Variants in SLC25A30 observed in about 807,000 individuals in gnomAD.
SLC25A30 encodes kidney mitochondrial carrier protein 1.
Under a neutral mutation model 42.7 loss-of-function variants are expected in SLC25A30, and 29 were observed. The observed-to-expected ratio is 0.68, with a 90% CI of 0.51 to 0.93. The LOEUF (loss-of-function observed/expected upper bound fraction) is 0.93, where lower values mean the gene tolerates loss of function less well. Among genes scored for constraint, SLC25A30 ranks in the 40% least tolerant of loss-of-function variants. The probability of loss-of-function intolerance (pLI) is 0.00; values close to 1 mark genes in which losing one functional copy is unlikely to be tolerated. For missense variants in SLC25A30, 300 were observed against 359.7 expected (o/e 0.83, Z 1.34); for synonymous variants, 124 against 131.0 (o/e 0.95, Z 0.37).
chr13:45,422,771 G>A (rs1593640205), upstream of SLC25A30, among the ~76,000 whole-genome samples: 3 of 152,214 alleles, frequency 2.0e-5, no homozygotes, highest in South Asian at 6.2e-4. Context: ...TCACTGAATG[G>A]CTGTATAAAA....
chr13:45,408,824 A>T, intron 3 of SLC25A30, 103 bp downstream of exon 3: 1 of 1,043,352 alleles, frequency 9.6e-7, no homozygotes, highest in Non-Finnish European at 1.3e-6. Context: ...CTTTTCAAAC[A>T]CACCTCAAAC....
the SLC25A30 span, among the ~76,000 whole-genome samples, chr13:45,424,565 GTATAAA>G: frequency 7.4e-5 from 1 of 13,428 alleles, no homozygotes; most frequent in Non-Finnish European, 1.3e-4. Flanking sequence ...ATATATAAAT[GTATAAA>G]TATATAAATA....
At chr13:45,402,478 T>A in intron 5 of SLC25A30, 108 bp from the exon 6 acceptor site, 3 of 887,752 alleles carry the variant, frequency 3.4e-6, no homozygotes, top group Admixed American at 2.1e-5. Context: ...TTAATAACCA[T>A]TAGCAAGGAA....
At chr13:45,402,475 C>A (rs1016352379) in intron 5 of SLC25A30, 105 bp from the exon 6 acceptor site, 3 of 914,808 alleles carry the variant, frequency 3.3e-6, no homozygotes, top group African/African-American at 3.3e-5. Context: ...TGCTTAATAA[C>A]CATTAGCAAG....
intron 1 of SLC25A30, among the ~76,000 whole-genome samples, chr13:45,412,251 C>G (rs1883098005): frequency 6.6e-6 from 1 of 152,036 alleles, no homozygotes. Context: ...TCCCAACTAC[C>G]TGGGACCACA....
Position 45,401,169 on chromosome 13 carries a change from A to G in SLC25A30, c.528T>C (p.Val176=). 1.2e-6 allele frequency: 2 copies of G among 1,614,160 alleles called. No homozygotes were observed. The highest frequency in any genetic ancestry group is 1.1e-5 in the South Asian group (1 of 91,084). The part of the protein sequence containing the change: ...SLTAQRAAIV[V]GVELPVYDIT... ...TGTCATAGACCGGCAGCTCCACACC[A>G]ACAACAATAGCAGCCCTCTGCGCAG... The change falls in exon 7 of 10, where the codon GTT becomes GTC. Residue 176 remains valine, a synonymous_variant. Transcript: ENST00000519676.
Position 45,393,960 on chromosome 13 carries a change from A to C in SLC25A30, c.*2014T>G. 2.0e-6 allele frequency: 2 copies of C among 984,834 alleles called. No individual in the cohort carries two copies. The highest frequency in any genetic ancestry group is 2.4e-6 in the Non-Finnish European group (2 of 829,364). The allele number at this position is 984,834 out of a possible 1,614,324, so 61.0% of individuals were successfully genotyped here. On this transcript the variant is annotated 3_prime_UTR_variant, in exon 10 of 10. Coordinates refer to ENST00000519676, the MANE Select transcript of SLC25A30 (RefSeq NM_001010875.4). ...TTGCTTCTACTGTTTTAAAAATTGTATGCATATTTGAAAAAGTAAAATTTT... is the reference window on the plus strand; with the variant it reads ...TTGCTTCTACTGTTTTAAAAATTGTCTGCATATTTGAAAAAGTAAAATTTT...
chr13:45,402,549 T>G (rs570848477), intron 5 of SLC25A30, among the ~76,000 whole-genome samples, 179 bp from the exon 6 acceptor site: 1 of 152,236 alleles, frequency 6.6e-6, no homozygotes, highest in Admixed American at 6.5e-5. Flanking sequence ...GTATAAAAAT[T>G]TATTCTTAGG....
chr13:45,400,790 C>T (rs1003859223), intron 7 of SLC25A30, among the ~76,000 whole-genome samples: 1 of 152,116 alleles, frequency 6.6e-6, no homozygotes, highest in Non-Finnish European at 1.5e-5. Flanking sequence ...AACTACTGTG[C>T]CCAGCCTGTT....
the SLC25A30 span, among the ~76,000 whole-genome samples, chr13:45,431,750 C>G: frequency 6.6e-6 from 1 of 152,092 alleles, no homozygotes; most frequent in East Asian, 1.9e-4. Flanking sequence ...ATCCAGTGGC[C>G]TATTTGACAC....
In SLC25A30 at chr13:45,394,930, A is replaced by G; in HGVS notation, c.*1044T>C. On this transcript the variant is annotated 3_prime_UTR_variant, in exon 10 of 10. Coordinates refer to ENST00000519676, the MANE Select transcript of SLC25A30 (RefSeq NM_001010875.4). ...ATCAACTCTTTGATTCACTACCAAC[A>G]TTTTGCTAAGGAAAATGTACTAAAG... 2.0e-6 allele frequency: 2 copies of G among 985,444 alleles called. No individual in the cohort carries two copies. The highest frequency in any genetic ancestry group is 2.4e-6 in the Non-Finnish European group (2 of 829,934). The allele number at this position is 985,444 out of a possible 1,614,324, so 61.0% of individuals were successfully genotyped here. A position where few individuals can be genotyped will look rare whatever the true frequency, so the allele number is the denominator to read the frequency against.
intron 8 of SLC25A30, chr13:45,397,606 G>A (rs34471229): frequency 0.083 from 22,472 of 270,808 alleles, 1,211 homozygotes; most frequent in Middle Eastern, 0.14. Context: ...TGAGGCAGGA[G>A]AATGGCATGA....
chr13:45,399,293 C>T (rs1312985384), intron 7 of SLC25A30, among the ~76,000 whole-genome samples: 1 of 152,148 alleles, frequency 6.6e-6, no homozygotes, highest in African/African-American at 2.4e-5. Flanking sequence ...GCAACCTCTG[C>T]CTCCCAAGTT....
At chr13:45,424,815 TAA>T in the SLC25A30 span, among the ~76,000 whole-genome samples, 104 of 58,580 alleles carry the variant, frequency 1.8e-3, 9 homozygotes, top group African/African-American at 6.6e-3. Flanking sequence ...TAAAAAAATA[TAA>T]ATATATAAAA....
intron 3 of SLC25A30, among the ~76,000 whole-genome samples, chr13:45,406,473 A>T (rs1002165566): frequency 6.6e-6 from 1 of 152,194 alleles, no homozygotes; most frequent in Non-Finnish European, 1.5e-5. Flanking sequence ...CCTCATATTT[A>T]TTCTCAATGA....
At chr13:45,431,017 C>G in the SLC25A30 span, among the ~76,000 whole-genome samples, 1 of 151,902 alleles carries the variant, frequency 6.6e-6, no homozygotes, top group East Asian at 1.9e-4. Flanking sequence ...GCTGTAAACA[C>G]CACCCGACAA....
chr13:45,433,606 G>T, the SLC25A30 span, among the ~76,000 whole-genome samples: 12 of 152,178 alleles, frequency 7.9e-5, no homozygotes, highest in Non-Finnish European at 1.5e-4. Context: ...GCATACATGA[G>T]TTTAGCACGA....
chr13:45,400,969 A>G (rs1881911746), intron 7 of SLC25A30, 114 bp downstream of exon 7: 1 of 907,192 alleles, frequency 1.1e-6, no homozygotes, highest in Non-Finnish European at 1.6e-6. Flanking sequence ...AAGGACTTCT[A>G]CCTGGTCCTG....
At chr13:45,424,854 AT>A in the SLC25A30 span, among the ~76,000 whole-genome samples, 2 of 56,080 alleles carry the variant, frequency 3.6e-5, no homozygotes, top group African/African-American at 1.6e-4. Context: ...ATATATAAAT[AT>A]ATATATAAAA....
Sources: allele counts gnomAD v4.1 joint callset (sites outside exome capture counted in the v4.1 genomes callset), GRCh38; gene constraint gnomAD v4.1.1; transcripts MANE v1.5; gene names NCBI Gene and HGNC (gene_info 2026-07-23, HGNC 2026-07-21).